Variants in SGCD observed in about 807,000 individuals in gnomAD.
The protein encoded by SGCD is sarcoglycan delta.
SGCD carries 18 observed loss-of-function variants against 36.6 expected under a neutral mutation model. That is an observed-to-expected ratio of 0.49 (90% confidence interval 0.34 to 0.73). SGCD has a LOEUF of 0.73. Ranked by LOEUF, SGCD falls within the 30% of genes least tolerant of loss-of-function variation. The probability of loss-of-function intolerance (pLI) is 0.01; values close to 1 mark genes in which losing one functional copy is unlikely to be tolerated. For synonymous variants in SGCD, 133 were observed against 130.6 expected (o/e 1.02, Z -0.12); for missense variants, 387 against 346.7 (o/e 1.12, Z -0.92).
chr5:156,624,362 A>G (rs1304913430), intron 6 of SGCD, among the ~76,000 whole-genome samples: 1 of 152,184 alleles, frequency 6.6e-6, no homozygotes, highest in African/African-American at 2.4e-5. Flanking sequence ...CGGGTGGATC[A>G]CGAGGTCAGG....
chr5:156,700,608 C>T lies in SGCD; in HGVS notation c.575+53072C>T, dbSNP rs1042751674. Among the ~76,000 whole-genome samples, 13 of 152,102 alleles carry T rather than the reference C, an allele frequency of 8.5e-5. 1 individual carries two copies. The highest frequency in any genetic ancestry group is 5.8e-4 in the East Asian group (3 of 5,182). On this transcript the variant is annotated intron_variant, in intron 7 of 8. Coordinates refer to ENST00000337851, the MANE Select transcript of SGCD (RefSeq NM_000337.6). ...TCACCTGTATCTTTGACTTTTCCCCCAGATCATTACCATCAGTTGTAAAAT... is the reference window on the plus strand; with the variant it reads ...TCACCTGTATCTTTGACTTTTCCCCTAGATCATTACCATCAGTTGTAAAAT...
intron 3 of SGCD, among the ~76,000 whole-genome samples, chr5:156,370,372 A>C (rs1365746735): frequency 1.3e-5 from 2 of 152,220 alleles, no homozygotes. Context: ...AGAGCTTCAC[A>C]TCACATCTTA....
chr5:156,452,584 C>G (rs2127807949), intron 3 of SGCD, among the ~76,000 whole-genome samples: 1 of 152,206 alleles, frequency 6.6e-6, no homozygotes, highest in Admixed American at 6.5e-5. Flanking sequence ...TTATAGCCAC[C>G]AAGTTTTTTA....
At chr5:156,004,686 C>A (rs1249335919) in intron 1 of SGCD, among the ~76,000 whole-genome samples, 1 of 152,172 alleles carries the variant, frequency 6.6e-6, no homozygotes, top group Non-Finnish European at 1.5e-5. Context: ...GCTGGATTTT[C>A]TTTCATATTG....
chr5:156,598,486 G>A (rs1761029099), intron 6 of SGCD, among the ~76,000 whole-genome samples: 1 of 152,184 alleles, frequency 6.6e-6, no homozygotes, highest in African/African-American at 2.4e-5. Context: ...AGGTTGCAGA[G>A]AGCCAAGATC....
At chr5:155,941,280 T>C (rs996845636) in intron 1 of SGCD, among the ~76,000 whole-genome samples, 26 of 152,200 alleles carry the variant, frequency 1.7e-4, no homozygotes, top group African/African-American at 6.0e-4. Flanking sequence ...CACTGTTATA[T>C]TGGAGATTAA....
chr5:156,198,568 C>A (rs1246028258), intron 3 of SGCD, among the ~76,000 whole-genome samples: 1 of 152,098 alleles, frequency 6.6e-6, no homozygotes, highest in Non-Finnish European at 1.5e-5. Flanking sequence ...ACTTCAACAT[C>A]CTCACTCTTT....
intron 3 of SGCD, among the ~76,000 whole-genome samples, chr5:156,159,416 A>G (rs1284663380): frequency 6.6e-6 from 1 of 151,570 alleles, no homozygotes; most frequent in African/African-American, 2.4e-5. Flanking sequence ...AAAAAAATCT[A>G]GCATCTGGAA....
chr5:156,373,215 A>C lies in SGCD; in HGVS notation c.192+28538A>C, dbSNP rs140724031. Among the ~76,000 whole-genome samples, 75 of 152,302 alleles carry C rather than the reference A, an allele frequency of 4.9e-4. No individual in the cohort carries two copies. In the South Asian group the frequency reaches 0.013, roughly 26 times the overall value. On this transcript the variant is annotated intron_variant, in intron 3 of 8. Coordinates refer to ENST00000337851, the MANE Select transcript of SGCD (RefSeq NM_000337.6). ...TAATTTTCTCTAAAAAGATATCTGT[A>C]AGGGGGAACACTTACCAATCCAATT...
intron 1 of SGCD, among the ~76,000 whole-genome samples, chr5:155,895,222 G>T (rs1179322226): frequency 6.6e-6 from 1 of 152,208 alleles, no homozygotes; most frequent in Non-Finnish European, 1.5e-5. Context: ...CTTTCCACAA[G>T]TAAGATTGAC....
At chr5:156,408,407 G>C (rs1198017258) in intron 3 of SGCD, among the ~76,000 whole-genome samples, 1 of 150,174 alleles carries the variant, frequency 6.7e-6, no homozygotes, top group Non-Finnish European at 1.5e-5. Flanking sequence ...CACCCAGGCT[G>C]GAGTGCAGTG....
chr5:156,190,523 C>T (rs2127632191), intron 3 of SGCD, among the ~76,000 whole-genome samples: 1 of 152,236 alleles, frequency 6.6e-6, no homozygotes, highest in African/African-American at 2.4e-5. Context: ...TAAATGAAAA[C>T]TTCTCCAAAT....
chr5:155,783,950 A>T, the SGCD span, among the ~76,000 whole-genome samples: 4 of 152,316 alleles, frequency 2.6e-5, no homozygotes, highest in South Asian at 8.3e-4. Flanking sequence ...CCTCCTCATG[A>T]TGTCCACTGT....
the SGCD span, among the ~76,000 whole-genome samples, chr5:155,811,879 C>T: frequency 1.3e-5 from 2 of 152,078 alleles, no homozygotes; most frequent in African/African-American, 4.8e-5. Flanking sequence ...TGAAGTAATT[C>T]TTTAACATAA....
chr5:156,524,490 T>G (rs2113062820), intron 4 of SGCD, among the ~76,000 whole-genome samples: 1 of 151,396 alleles, frequency 6.6e-6, no homozygotes, highest in South Asian at 2.1e-4. Flanking sequence ...ATATTTAAGG[T>G]GTACAAACTT....
intron 3 of SGCD, among the ~76,000 whole-genome samples, chr5:156,494,532 T>C (rs189719635): frequency 2.6e-5 from 4 of 152,250 alleles, no homozygotes; most frequent in African/African-American, 4.8e-5. Flanking sequence ...TAGAAAGTTA[T>C]TTTTGGAATT....
chr5:155,956,303 A>T (rs1349883339), intron 1 of SGCD, among the ~76,000 whole-genome samples: 5 of 151,958 alleles, frequency 3.3e-5, no homozygotes, highest in African/African-American at 1.2e-4. Flanking sequence ...GCTTGTACAA[A>T]ACTAGATTAT....
intron 2 of SGCD, 100 bp downstream of exon 2, chr5:156,329,679 C>A: frequency 1.0e-6 from 1 of 1,004,740 alleles, no homozygotes; most frequent in Non-Finnish European, 1.5e-6. Context: ...GTTATATATG[C>A]CTTATCCTGA....
chr5:156,449,196 G>A (rs1483930638), intron 3 of SGCD, among the ~76,000 whole-genome samples: 1 of 152,108 alleles, frequency 6.6e-6, no homozygotes, highest in African/African-American at 2.4e-5. Flanking sequence ...AGTTCTATAC[G>A]ATTGAGCAGG....
Sources: allele counts gnomAD v4.1 joint callset (sites outside exome capture counted in the v4.1 genomes callset), GRCh38; gene constraint gnomAD v4.1.1; transcripts MANE v1.5; gene names NCBI Gene and HGNC (gene_info 2026-07-23, HGNC 2026-07-21).